CDH13: variants seen among roughly 807,000 people sequenced by gnomAD.
The protein encoded by CDH13 is cadherin-13.
Under a neutral mutation model 63.8 loss-of-function variants are expected in CDH13, and 24 were observed. The observed-to-expected ratio is 0.38, with a 90% CI of 0.27 to 0.53. The LOEUF is 0.53. Among genes scored for constraint, CDH13 ranks in the 20% least tolerant of loss-of-function variants. The probability of loss-of-function intolerance (pLI) is 0.85; values close to 1 mark genes in which losing one functional copy is unlikely to be tolerated. For missense variants in CDH13, 1,049 were observed against 903.1 expected, an observed-to-expected ratio of 1.16 and a Z score of -2.07; for synonymous variants, 503 against 355.3, an observed-to-expected ratio of 1.42 and a Z score of -4.67.
chr16:83,145,280 T>A (rs531099646), intron 4 of CDH13, among the ~76,000 whole-genome samples: 58 of 152,288 alleles, frequency 3.8e-4, no homozygotes, highest in African/African-American at 1.4e-3. Context: ...CTGCTGATCA[T>A]TGAGGCTTGG....
chr16:82,860,504 A>C (rs181408192), intron 2 of CDH13, among the ~76,000 whole-genome samples: 2 of 151,980 alleles, frequency 1.3e-5, no homozygotes, highest in African/African-American at 4.8e-5. Context: ...TTCATTATCA[A>C]TGATAACACA....
intron 7 of CDH13, among the ~76,000 whole-genome samples, chr16:83,500,860 A>G (rs898592009): frequency 2.0e-5 from 3 of 152,032 alleles, no homozygotes; most frequent in Admixed American, 6.6e-5. Context: ...GATTGCAGGC[A>G]TAAGCCACCA....
At chr16:83,763,290 A>G (rs1468653943) in intron 11 of CDH13, among the ~76,000 whole-genome samples, 1 of 152,252 alleles carries the variant, frequency 6.6e-6, no homozygotes, top group East Asian at 1.9e-4. Flanking sequence ...ATGATTTTTC[A>G]TAGGCTAAGA....
At chr16:83,651,612 T>C (rs868310420) in intron 8 of CDH13, among the ~76,000 whole-genome samples, 115 of 139,272 alleles carry the variant, frequency 8.3e-4, no homozygotes, top group African/African-American at 3.1e-3. Context: ...TTTTTTTTTT[T>C]TGAGATGGAA....
intron 2 of CDH13, among the ~76,000 whole-genome samples, chr16:82,875,522 C>T (rs746450120): frequency 3.3e-5 from 5 of 152,162 alleles, no homozygotes; most frequent in Non-Finnish European, 7.3e-5. Context: ...AGAATTAGGA[C>T]AGTGCTTTTC....
intron 4 of CDH13, among the ~76,000 whole-genome samples, chr16:83,200,570 C>T (rs1456576892): frequency 1.3e-5 from 2 of 152,212 alleles, no homozygotes; most frequent in Non-Finnish European, 2.9e-5. Flanking sequence ...CACCACACAA[C>T]ATGATCTCAT....
Position 82,627,055 on chromosome 16 carries a change from T to C in CDH13, c.-38T>C, listed in dbSNP as rs1567568333. 9 of 1,577,780 alleles carry C rather than the reference T, an allele frequency of 5.7e-6. No homozygotes were observed. The highest frequency in any genetic ancestry group is 2.3e-5 in the East Asian group (1 of 42,886). On this transcript the variant is annotated 5_prime_UTR_variant, in exon 1 of 14. The change abolishes an upstream ATG in the 5' untranslated region. Transcript: ENST00000567109. ...AATATGCTCAGTGCAGCCGCGTGCA[T>C]GAATGAAAACGCCGCCGGGCGCTTC... is the stretch of plus-strand genomic sequence containing the variant.
chr16:82,787,454 C>T (rs552458715), intron 1 of CDH13, among the ~76,000 whole-genome samples: 1 of 152,134 alleles, frequency 6.6e-6, no homozygotes, highest in Admixed American at 6.5e-5. Context: ...TGGACTGATA[C>T]CAGATAGTAG....
intron 4 of CDH13, among the ~76,000 whole-genome samples, chr16:83,135,375 C>G (rs1478497014): frequency 6.6e-6 from 1 of 152,202 alleles, no homozygotes; most frequent in African/African-American, 2.4e-5. Flanking sequence ...GTTTGCATAG[C>G]ACACTCACAC....
intron 6 of CDH13, among the ~76,000 whole-genome samples, chr16:83,386,846 G>A (rs954676974): frequency 4.6e-5 from 7 of 152,178 alleles, no homozygotes; most frequent in Admixed American, 3.3e-4. Flanking sequence ...CAAGACAGCT[G>A]CCTCTGCTCT....
intron 11 of CDH13, among the ~76,000 whole-genome samples, chr16:83,756,502 C>A (rs952854974): frequency 2.0e-5 from 3 of 152,206 alleles, no homozygotes; most frequent in African/African-American, 7.2e-5. Context: ...GCTTTGAATG[C>A]GGCCCAACAC....
intron 7 of CDH13, among the ~76,000 whole-genome samples, chr16:83,593,194 G>A (rs866802280): frequency 1.6e-4 from 24 of 152,152 alleles, no homozygotes; most frequent in Admixed American, 2.6e-4. Flanking sequence ...CCAGCTGATC[G>A]GGACAAAGCT....
intron 1 of CDH13, among the ~76,000 whole-genome samples, chr16:82,631,216 T>G (rs1907970001): frequency 6.6e-6 from 1 of 152,244 alleles, no homozygotes; most frequent in South Asian, 2.1e-4. Flanking sequence ...AGGGAAAATT[T>G]CAAAGATGTT....
At chr16:82,685,073 G>A (rs1271787685) in intron 1 of CDH13, among the ~76,000 whole-genome samples, 5 of 152,206 alleles carry the variant, frequency 3.3e-5, no homozygotes, top group South Asian at 2.1e-4. Flanking sequence ...AACTCAGTGC[G>A]CAGACATTGC....
intron 8 of CDH13, among the ~76,000 whole-genome samples, chr16:83,604,770 T>G (rs57745663): frequency 0.017 from 2,609 of 152,272 alleles, 91 homozygotes; most frequent in African/African-American, 0.059. Context: ...GGAACAAAAA[T>G]AGGATAACCC....
chr16:82,989,902 T>C (rs1449692181), intron 2 of CDH13, among the ~76,000 whole-genome samples: 3 of 152,080 alleles, frequency 2.0e-5, no homozygotes, highest in Non-Finnish European at 4.4e-5. Context: ...TAGCCCCACG[T>C]CTCCGTTCAA....
At chr16:83,625,226 CTA>C (rs1283110875) in intron 8 of CDH13, among the ~76,000 whole-genome samples, 2 of 146,260 alleles carry the variant, frequency 1.4e-5, no homozygotes, top group East Asian at 1.9e-4. Flanking sequence ...ACACGTGTGT[CTA>C]TGTGTGTGTG....
chr16:83,050,674 A>T (rs2030215503), intron 3 of CDH13, among the ~76,000 whole-genome samples: 1 of 151,374 alleles, frequency 6.6e-6, no homozygotes, highest in Non-Finnish European at 1.5e-5. Flanking sequence ...TTCATTTCTG[A>T]CCTCAGGTCC....
intron 6 of CDH13, among the ~76,000 whole-genome samples, chr16:83,461,713 G>C (rs1344748394): frequency 6.6e-6 from 1 of 152,182 alleles, no homozygotes; most frequent in Non-Finnish European, 1.5e-5. Flanking sequence ...GATTTGAATA[G>C]AGAGTTGACA....
Sources: gnomAD v4.1 joint callset for allele counts (sites outside exome capture counted in the v4.1 genomes callset) on GRCh38, gnomAD v4.1.1 for gene constraint, MANE v1.5 for transcripts, NCBI Gene and HGNC (gene_info 2026-07-23, HGNC 2026-07-21) for gene names.